The following EYS variants were observed in gnomAD, a reference collection of about 807,000 sequenced individuals.
EYS encodes the protein protein eyes shut homolog.
EYS carries 250 observed loss-of-function variants against 282.1 expected under a neutral mutation model. The ratio of observed to expected loss-of-function variants is 0.89; its 90% confidence interval spans 0.80 to 0.98. The LOEUF (loss-of-function observed/expected upper bound fraction) is 0.98. Ranked by LOEUF, EYS falls within the 50% of genes least tolerant of loss-of-function variation. EYS has a pLI of 0.00. For synonymous variants in EYS, 1,355 were observed against 1,282.9 expected, an observed-to-expected ratio of 1.06 and a Z score of -1.20; for missense variants, 4,016 against 3,709.0, an observed-to-expected ratio of 1.08 and a Z score of -2.15.
At chr6:65,478,162 AAG>A (rs1394146352) in intron 5 of EYS, among the ~76,000 whole-genome samples, 2 of 152,174 alleles carry the variant, frequency 1.3e-5, no homozygotes, top group Admixed American at 1.3e-4. Context: ...GAAGGAGAAG[AAG>A]AGAGACTTCA....
chr6:65,696,522 A>G (rs1014784836), intron 1 of EYS, among the ~76,000 whole-genome samples: 10 of 151,980 alleles, frequency 6.6e-5, no homozygotes, highest in African/African-American at 2.4e-4. Flanking sequence ...TGCTATCATT[A>G]TTACAAACCT....
chr6:64,755,445 C>T (rs1676728816), intron 22 of EYS, among the ~76,000 whole-genome samples: 1 of 150,480 alleles, frequency 6.6e-6, no homozygotes, highest in African/African-American at 2.5e-5. Flanking sequence ...AAAACAGAGT[C>T]TAAATAGCAA....
At chr6:65,119,127 T>C (rs1775457350) in intron 12 of EYS, among the ~76,000 whole-genome samples, 1 of 152,182 alleles carries the variant, frequency 6.6e-6, no homozygotes, top group Admixed American at 6.5e-5. Context: ...TCAATTATTA[T>C]TTCTAGAAGA....
chr6:64,425,342 G>T (rs1298918033), intron 28 of EYS, among the ~76,000 whole-genome samples: 1 of 152,104 alleles, frequency 6.6e-6, no homozygotes, highest in Non-Finnish European at 1.5e-5. Context: ...AGAGAGAACT[G>T]CCAGAGCCCA....
intron 5 of EYS, among the ~76,000 whole-genome samples, chr6:65,411,133 A>T (rs1333740146): frequency 6.6e-6 from 1 of 152,046 alleles, no homozygotes; most frequent in African/African-American, 2.4e-5. Context: ...CAAAAAATAG[A>T]AGACTCAAAT....
intron 12 of EYS, among the ~76,000 whole-genome samples, chr6:65,293,296 A>T (rs72884828): frequency 0.11 from 16,209 of 151,798 alleles, 1,005 homozygotes; most frequent in South Asian, 0.16. Context: ...TTCATTACTA[A>T]AATATTATAG....
intron 24 of EYS, among the ~76,000 whole-genome samples, chr6:64,608,298 T>C (rs145618648): frequency 1.8e-3 from 276 of 152,084 alleles, no homozygotes; most frequent in African/African-American, 6.3e-3. Flanking sequence ...ATGGAACTTA[T>C]TGAAGAGGAG....
chr6:65,593,268 T>G (rs142080008), intron 2 of EYS, among the ~76,000 whole-genome samples: 1 of 152,192 alleles, frequency 6.6e-6, no homozygotes, highest in Non-Finnish European at 1.5e-5. Context: ...AGGACATTTG[T>G]TAAACATAAA....
At chr6:64,612,632 A>T (rs600852) in intron 24 of EYS, among the ~76,000 whole-genome samples, 7,330 of 152,092 alleles carry the variant, frequency 0.048, 563 homozygotes, top group African/African-American at 0.17. Flanking sequence ...ATTAAGAAAA[A>T]CCTGAGAGTT....
At chr6:63,781,221 G>C (rs1019388463) in intron 39 of EYS, among the ~76,000 whole-genome samples, 2 of 152,146 alleles carry the variant, frequency 1.3e-5, no homozygotes, top group South Asian at 4.1e-4. Flanking sequence ...AGGATTGTCT[G>C]GGCAATATGG....
At chr6:65,478,700 C>G (rs983007191) in intron 5 of EYS, among the ~76,000 whole-genome samples, 2 of 152,040 alleles carry the variant, frequency 1.3e-5, no homozygotes, top group Admixed American at 6.6e-5. Flanking sequence ...TTAAATATCC[C>G]AAATTACTGT....
chr6:64,519,557 C>T (rs902301200), intron 26 of EYS, among the ~76,000 whole-genome samples: 9 of 151,740 alleles, frequency 5.9e-5, no homozygotes, highest in Admixed American at 5.3e-4. Flanking sequence ...TGAGATGCCT[C>T]AAAATAGCTG....
intron 22 of EYS, among the ~76,000 whole-genome samples, chr6:64,649,391 C>T: frequency 6.6e-6 from 1 of 151,564 alleles, no homozygotes; most frequent in Non-Finnish European, 1.5e-5. Context: ...GGCTGGGGTG[C>T]AGTGCCACGA....
intron 33 of EYS, among the ~76,000 whole-genome samples, chr6:64,026,106 A>G (rs942889198): frequency 7.2e-5 from 11 of 152,136 alleles, no homozygotes; most frequent in Non-Finnish European, 1.3e-4. Context: ...GAGCGCAACT[A>G]TTCTGATCAG....
At chr6:63,926,455 G>T (rs1263512334) in intron 35 of EYS, among the ~76,000 whole-genome samples, 1 of 152,132 alleles carries the variant, frequency 6.6e-6, no homozygotes, top group East Asian at 1.9e-4. Flanking sequence ...TGCATTTAAT[G>T]GGCTCAGCAT....
intron 34 of EYS, among the ~76,000 whole-genome samples, chr6:63,998,686 T>C (rs754691406): frequency 1.3e-5 from 2 of 152,154 alleles, no homozygotes; most frequent in Non-Finnish European, 2.9e-5. Flanking sequence ...TCTGGAAGAC[T>C]GGGAACGGCC....
At chr6:64,671,285 G>A (rs9452326) in intron 22 of EYS, among the ~76,000 whole-genome samples, 30,119 of 151,890 alleles carry the variant, frequency 0.2, 3,461 homozygotes, top group East Asian at 0.35. Context: ...GGTCAGGAAG[G>A]TGGAGCCCTC....
chr6:64,499,918 C>T (rs866953653), intron 26 of EYS, among the ~76,000 whole-genome samples: 23 of 151,948 alleles, frequency 1.5e-4, no homozygotes, highest in African/African-American at 5.3e-4. Context: ...TATAATGATA[C>T]CAGAAATAGT....
At chr6:65,322,935 A>T (rs1769517147) in intron 11 of EYS, among the ~76,000 whole-genome samples, 1 of 151,682 alleles carries the variant, frequency 6.6e-6, no homozygotes, top group African/African-American at 2.4e-5. Flanking sequence ...TAATTTGCAA[A>T]AATTAAATAA....
Sources: allele counts gnomAD v4.1 joint callset (sites outside exome capture counted in the v4.1 genomes callset), GRCh38; gene constraint gnomAD v4.1.1; transcripts MANE v1.5; gene names NCBI Gene and HGNC (gene_info 2026-07-23, HGNC 2026-07-21).